Variants in CMTR1 observed in about 807,000 individuals in gnomAD.
The protein encoded by CMTR1 is cap-specific mRNA (nucleoside-2'-O-)-methyltransferase 1.
Under a neutral mutation model 107.0 loss-of-function variants are expected in CMTR1, and 39 were observed. The observed-to-expected ratio is 0.36, with a 90% CI of 0.28 to 0.48. The LOEUF (loss-of-function observed/expected upper bound fraction) is 0.48. CMTR1 is among the 20% of genes least tolerant of loss of function. The pLI, the probability that CMTR1 is intolerant of heterozygous loss-of-function variation, is 0.99. For synonymous variants in CMTR1, 366 were observed against 379.5 expected (o/e 0.96, Z 0.41); for missense variants, 672 against 1,064.9 (o/e 0.63, Z 5.14).
intron 2 of CMTR1, among the ~76,000 whole-genome samples, chr6:37,442,144 C>G (rs1771689340): frequency 1.3e-5 from 2 of 152,178 alleles, no homozygotes; most frequent in South Asian, 4.1e-4. Flanking sequence ...GTTACTTTTG[C>G]ACAGTACCCC....
chr6:37,437,779 C>T (rs1349001440), intron 2 of CMTR1, among the ~76,000 whole-genome samples: 2 of 152,094 alleles, frequency 1.3e-5, no homozygotes, highest in Admixed American at 6.5e-5. Flanking sequence ...ATAGAATCTC[C>T]TTGGGTAGGG....
chr6:37,478,373 TTC>T, intron 21 of CMTR1, 34 bp from the exon 22 acceptor site: 1 of 1,525,734 alleles, frequency 6.6e-7, no homozygotes. Context: ...CCAGGGCCTT[TTC>T]TCTCTCATGC....
chr6:37,455,304 C>T (rs1761269020), intron 8 of CMTR1, among the ~76,000 whole-genome samples: 1 of 152,268 alleles, frequency 6.6e-6, no homozygotes, highest in Admixed American at 6.5e-5. Context: ...GTATTAAACT[C>T]CCGACCTAAG....
At chr6:37,433,022 T>G (rs1354335987), upstream of CMTR1, among the ~76,000 whole-genome samples, 1 of 152,264 alleles carries the variant, frequency 6.6e-6, no homozygotes, top group Non-Finnish European at 1.5e-5. Flanking sequence ...TGGTTTCTCT[T>G]CCTCAGAGCC....
intron 19 of CMTR1, 23 bp from the exon 20 acceptor site, chr6:37,476,103 C>A: frequency 1.2e-6 from 2 of 1,613,652 alleles, no homozygotes; most frequent in South Asian, 1.1e-5. Context: ...GCTTGCCTCT[C>A]AGAGAGACTG....
At chr6:37,466,787 G>C (rs1761520568) in intron 13 of CMTR1, among the ~76,000 whole-genome samples, 1 of 152,078 alleles carries the variant, frequency 6.6e-6, no homozygotes. Flanking sequence ...GGTGTCCCTT[G>C]AGATTCCATA....
chr6:37,435,619 T>TA lies in CMTR1; in HGVS notation c.-6-4dup, dbSNP rs770227674. On this transcript the variant is annotated splice_polypyrimidine_tract_variant and splice_region_variant and intron_variant, in intron 1 of 23. Transcript: ENST00000373451. Reference sequence around the variant, plus strand: ...GCAGCTGACTGACTGGATTTATGGTTACAGTTAACGATGAAGAGGAGAACT... The same window carrying TA: ...GCAGCTGACTGACTGGATTTATGGTTAACAGTTAACGATGAAGAGGAGAACT... 6.3e-7 allele frequency: 1 copy of TA among 1,590,868 alleles called. No homozygotes were observed. Among genetic ancestry groups the TA allele is most frequent in the Non-Finnish European group, 8.5e-7 (1 of 1,170,784 alleles).
At chr6:37,436,812 T>A (rs1243362563) in intron 2 of CMTR1, among the ~76,000 whole-genome samples, 1 of 152,168 alleles carries the variant, frequency 6.6e-6, no homozygotes, top group East Asian at 1.9e-4. Context: ...GATACCATAT[T>A]CAACCCAGCA....
At chr6:37,446,499 T>C (rs372192915) in intron 4 of CMTR1, 50 bp downstream of exon 4, 4 of 1,575,718 alleles carry the variant, frequency 2.5e-6, no homozygotes, top group African/African-American at 2.7e-5. Context: ...TGTTTTTGGA[T>C]GCATGGCTTT....
At chr6:37,452,200 A>G (rs535288999) in intron 6 of CMTR1, among the ~76,000 whole-genome samples, 2 of 152,178 alleles carry the variant, frequency 1.3e-5, no homozygotes, top group Non-Finnish European at 2.9e-5. Context: ...CCAGGATTCA[A>G]ATCCAAGATC....
upstream of CMTR1, among the ~76,000 whole-genome samples, chr6:37,431,982 C>CT (rs1771388303): frequency 6.6e-6 from 1 of 152,146 alleles, no homozygotes; most frequent in Non-Finnish European, 1.5e-5. Context: ...CACCCAGCTA[C>CT]TTTTTTTGTA....
chr6:37,424,613 A>C, the CMTR1 span, among the ~76,000 whole-genome samples: 92 of 152,306 alleles, frequency 6.0e-4, no homozygotes, highest in Admixed American at 6.5e-4. Context: ...TAAATTATAC[A>C]GAAAACAAAA....
intron 21 of CMTR1, among the ~76,000 whole-genome samples, chr6:37,478,133 G>T (rs778049852): frequency 1.8e-4 from 27 of 152,156 alleles, no homozygotes; most frequent in Non-Finnish European, 3.2e-4. Flanking sequence ...CACCCGTGGT[G>T]TCAGATCTCA....
At chr6:37,475,671 T>G (rs1761722106) in intron 19 of CMTR1, 1 of 560,910 alleles carries the variant, frequency 1.8e-6, no homozygotes, top group Admixed American at 3.1e-5. Context: ...CAGGTTGAGG[T>G]ATTTATGTTA....
At chr6:37,441,224 T>C (rs1771667496) in intron 2 of CMTR1, among the ~76,000 whole-genome samples, 1 of 152,146 alleles carries the variant, frequency 6.6e-6, no homozygotes, top group Non-Finnish European at 1.5e-5. Context: ...GTGGGCACTC[T>C]GTTGCAGAGT....
chr6:37,458,889 T>C lies in CMTR1; in HGVS notation c.976+79T>C, dbSNP rs1392572898. 7.7e-7 allele frequency: 1 copy of C among 1,301,210 alleles called. No individual in the cohort carries two copies. The highest frequency in any genetic ancestry group is 1.5e-5 in the African/African-American group (1 of 68,352). The allele number at this position is 1,301,210 out of a possible 1,614,324, so 80.6% of individuals were successfully genotyped here. A position where few individuals can be genotyped will look rare whatever the true frequency, so the allele number is the denominator to read the frequency against. On this transcript the variant is annotated intron_variant, in intron 9 of 23. Transcript: ENST00000373451. The surrounding 1 kb of genome is among the most constrained non-coding windows in gnomAD (Gnocchi z 4.7). ...GACTTCAGGTCAGAAGCAGTTGTTA[T>C]CCACATGCCATATTTTCTTTCCTAG...
intron 4 of CMTR1, among the ~76,000 whole-genome samples, chr6:37,449,465 T>A (rs1334455589): frequency 1.3e-5 from 2 of 152,088 alleles, no homozygotes; most frequent in Non-Finnish European, 2.9e-5. Context: ...TGCACTGCCA[T>A]GCCCAGCTAA....
chr6:37,447,846 C>T (rs562420918), intron 4 of CMTR1, among the ~76,000 whole-genome samples: 11 of 145,072 alleles, frequency 7.6e-5, no homozygotes, highest in African/African-American at 2.3e-4. Context: ...CCAGCCTGGG[C>T]AACAGACTGA....
chr6:37,459,581 A>G lies in CMTR1; in HGVS notation c.992A>G (p.Asp331Gly). 1.2e-6 allele frequency: 2 copies of G among 1,614,064 alleles called. No homozygotes were observed. Among genetic ancestry groups the G allele is most frequent in the Non-Finnish European group, 1.7e-6 (2 of 1,179,930 alleles). The change falls in exon 10 of 24, where the codon GAT becomes GGT. Residue 331 changes from aspartate (D) to glycine (G), a missense_variant. Asp to Gly is a moderately conservative substitution (Grantham distance 94, BLOSUM62 -1). Around this residue, in one of 2 missense-constraint regions of CMTR1, gnomAD observed 583 missense variants for 968.4 expected, o/e 0.60. Coordinates refer to ENST00000373451, the MANE Select transcript of CMTR1 (RefSeq NM_015050.3). ...FEPYYGEGGI[D>G]GDGDITRPEN... ...ATTCTGACAGGTGAGGGTGGGATTGATGGAGATGGAGATATCACCCGCCCA... is the reference window on the plus strand; with the variant it reads ...ATTCTGACAGGTGAGGGTGGGATTGGTGGAGATGGAGATATCACCCGCCCA...
Sources: allele counts gnomAD v4.1 joint callset (sites outside exome capture counted in the v4.1 genomes callset), GRCh38; gene constraint gnomAD v4.1.1; regional missense constraint gnomAD v4.1.1; non-coding constraint Gnocchi (gnomAD v3.1); transcripts MANE v1.5; gene names NCBI Gene and HGNC (gene_info 2026-07-23, HGNC 2026-07-21).